Variants in CSRNP3 observed in about 807,000 individuals in gnomAD.
CSRNP3 encodes cysteine/serine-rich nuclear protein 3.
Under a neutral mutation model 48.0 loss-of-function variants are expected in CSRNP3, and 12 were observed. The ratio of observed to expected loss-of-function variants is 0.25; its 90% CI spans 0.16 to 0.41. The LOEUF (loss-of-function observed/expected upper bound fraction) is 0.41. CSRNP3 is among the 10% of genes least tolerant of loss of function. CSRNP3 has a pLI of 1.00. For missense variants in CSRNP3, 580 were observed against 724.4 expected (o/e 0.80, Z 2.29); for synonymous variants, 263 against 269.7 (o/e 0.98, Z 0.24).
At chr2:165,481,302 G>A (rs530420478) in intron 1 of CSRNP3, among the ~76,000 whole-genome samples, 40 of 152,218 alleles carry the variant, frequency 2.6e-4, no homozygotes, top group African/African-American at 4.3e-4. Context: ...GGCAAGATAC[G>A]GTCACTTAAT....
In CSRNP3 at chr2:165,678,825, T is replaced by G. The variant is rs986655547; in HGVS notation, c.830T>G (p.Leu277Arg). The G allele has an allele frequency of 1.2e-6, 2 of 1,613,950 alleles. No homozygotes were observed. The highest frequency in any genetic ancestry group is 2.7e-5 in the African/African-American group (2 of 74,916). The part of the protein sequence containing the change: ...HFLHTIMKLE[L>R]EKNREQQIPT... ...TTGCACACAATAATGAAACTTGAAC[T>G]GGAGAAAAACCGAGAGCAGCAAATC... The change falls in exon 7 of 7, where the codon CTG becomes CGG. Residue 277 changes from leucine to arginine, a missense_variant. Leu to Arg is a moderately radical substitution (Grantham distance 102). Transcript: ENST00000651982.
chr2:165,490,438 GA>G (rs1468583382), intron 1 of CSRNP3, among the ~76,000 whole-genome samples: 1 of 128,168 alleles, frequency 7.8e-6, no homozygotes, highest in Non-Finnish European at 1.6e-5. Flanking sequence ...CACAGAATTG[GA>G]AAAAACTACT....
In CSRNP3 at chr2:165,608,681, T is replaced by C. The variant is rs1341934397; in HGVS notation, c.148+13468T>C. 3.3e-5 allele frequency among the ~76,000 whole-genome samples: 5 copies of C among 152,192 alleles called. No individual in the cohort carries two copies. In the East Asian group the frequency reaches 9.7e-4, roughly 29 times the overall value. ...CTGTCTTAAAATATCTTCTACCATA[T>C]GACTGAAATTCCCACCATTAATGTG... On this transcript the variant is annotated intron_variant, in intron 4 of 6. Coordinates refer to ENST00000651982, the MANE Select transcript of CSRNP3 (RefSeq NM_001172173.2).
chr2:165,545,724 C>A (rs1246239747), intron 3 of CSRNP3, among the ~76,000 whole-genome samples: 1 of 151,944 alleles, frequency 6.6e-6, no homozygotes, highest in East Asian at 1.9e-4. Context: ...TATTTGCTAA[C>A]CGATTTGGTG....
In CSRNP3 at chr2:165,481,454, G is replaced by C. The variant is rs116984735; in HGVS notation, c.-283+11714G>C. Among the ~76,000 whole-genome samples the C allele has an allele frequency of 4.9e-4, 75 of 152,152 alleles. 3 individuals are homozygous for C. In the East Asian group the frequency reaches 0.012, roughly 24 times the overall value. On this transcript the variant is annotated intron_variant, in intron 1 of 6. Coordinates refer to ENST00000651982, the MANE Select transcript of CSRNP3 (RefSeq NM_001172173.2). ...AGACACAGGATCACTTAACAAGGGAGGCAACGTGCCCTGACACCAACTGAT... is the reference window on the plus strand; with the variant it reads ...AGACACAGGATCACTTAACAAGGGACGCAACGTGCCCTGACACCAACTGAT...
At chr2:165,504,794 C>G (rs1684401923) in intron 2 of CSRNP3, among the ~76,000 whole-genome samples, 1 of 152,022 alleles carries the variant, frequency 6.6e-6, no homozygotes, top group African/African-American at 2.4e-5. Flanking sequence ...AATACAAATT[C>G]TTTACATATC....
rs185903350 is a variant in CSRNP3, at chr2:165,563,967, G to C, written c.-23-31076G>C. Among the ~76,000 whole-genome samples, 26 of 152,120 alleles carry C rather than the reference G, an allele frequency of 1.7e-4. No homozygotes were observed. In the East Asian group the frequency reaches 3.7e-3, roughly 21 times the overall value. On this transcript the variant is annotated intron_variant, in intron 3 of 6. Transcript: ENST00000651982. The stretch of plus-strand genomic sequence containing the variant: ...AAGTAAACTAATTTATCATCATGCA[G>C]GGTTTGGCAGCTGGCTCTGTGGTGT...
At chr2:165,588,994 C>T (rs1240735499) in intron 3 of CSRNP3, among the ~76,000 whole-genome samples, 3 of 152,038 alleles carry the variant, frequency 2.0e-5, no homozygotes, top group African/African-American at 7.2e-5. Flanking sequence ...TTAAATAAAG[C>T]CAATTTGTAA....
chr2:165,634,704 A>T (rs570452997), intron 4 of CSRNP3, among the ~76,000 whole-genome samples: 10 of 152,234 alleles, frequency 6.6e-5, no homozygotes, highest in Non-Finnish European at 1.2e-4. Flanking sequence ...CTAGGTGCTA[A>T]TAATTTAAAG....
At chr2:165,619,619 A>T (rs1275532144) in intron 4 of CSRNP3, among the ~76,000 whole-genome samples, 1 of 152,200 alleles carries the variant, frequency 6.6e-6, no homozygotes, top group Non-Finnish European at 1.5e-5. Flanking sequence ...AATGGAAGAC[A>T]CTATCAAAAA....
At chr2:165,669,860 C>A (rs1395450438) in intron 5 of CSRNP3, among the ~76,000 whole-genome samples, 1 of 152,076 alleles carries the variant, frequency 6.6e-6, no homozygotes, top group African/African-American at 2.4e-5. Context: ...GGGCCTTGAC[C>A]TGGAGATCCT....
chr2:165,533,762 G>A (rs1314653127), intron 3 of CSRNP3, among the ~76,000 whole-genome samples: 1 of 151,942 alleles, frequency 6.6e-6, no homozygotes, highest in African/African-American at 2.4e-5. Flanking sequence ...TATTGCTTAT[G>A]TTTAAGACAA....
intron 4 of CSRNP3, among the ~76,000 whole-genome samples, chr2:165,608,435 T>A (rs1260153303): frequency 6.6e-6 from 1 of 152,158 alleles, no homozygotes; most frequent in Non-Finnish European, 1.5e-5. Context: ...AGGAATATTC[T>A]AACTGGAATT....
chr2:165,588,680 C>T (rs375103656), intron 3 of CSRNP3, among the ~76,000 whole-genome samples: 8 of 152,202 alleles, frequency 5.3e-5, no homozygotes, highest in African/African-American at 1.9e-4. Flanking sequence ...TAGGGCCAGG[C>T]GTGGTGGCTG....
chr2:165,599,399 T>G (rs1212783508), intron 4 of CSRNP3, among the ~76,000 whole-genome samples: 2 of 151,192 alleles, frequency 1.3e-5, no homozygotes, highest in African/African-American at 4.9e-5. Context: ...TTTGAGACAG[T>G]GTCTCACTGT....
At chr2:165,674,680 GAATATA>G (rs1287281889) in intron 5 of CSRNP3, among the ~76,000 whole-genome samples, 1 of 52,686 alleles carries the variant, frequency 1.9e-5, no homozygotes, top group African/African-American at 1.5e-4. Flanking sequence ...AAATACTTCT[GAATATA>G]TATATATATA....
At chr2:165,675,885 C>T (rs551820239) in intron 5 of CSRNP3, among the ~76,000 whole-genome samples, 1 of 152,314 alleles carries the variant, frequency 6.6e-6, no homozygotes, top group South Asian at 2.1e-4. Flanking sequence ...AACATATTTG[C>T]TGAGTTAGGT....
At chr2:165,648,581 A>G (rs916890391) in intron 4 of CSRNP3, among the ~76,000 whole-genome samples, 13 of 152,012 alleles carry the variant, frequency 8.6e-5, no homozygotes, top group African/African-American at 2.9e-4. Flanking sequence ...TTTAATTTCA[A>G]GTTTATAACT....
chr2:165,526,078 G>C (rs1386739270), intron 3 of CSRNP3, among the ~76,000 whole-genome samples: 1 of 152,102 alleles, frequency 6.6e-6, no homozygotes, highest in Admixed American at 6.5e-5. Flanking sequence ...AGTCTCTATT[G>C]TGTCCGACTG....
Sources: gnomAD v4.1 joint callset for allele counts (sites outside exome capture counted in the v4.1 genomes callset) on GRCh38, gnomAD v4.1.1 for gene constraint, MANE v1.5 for transcripts, NCBI Gene and HGNC (gene_info 2026-07-23, HGNC 2026-07-21) for gene names.